Variants in FSTL5 observed in about 807,000 individuals in gnomAD.
The protein encoded by FSTL5 is follistatin like 5.
In FSTL5, 62 loss-of-function variants were observed where a neutral mutation model predicts 89.1. That is an observed-to-expected ratio of 0.70 (90% confidence interval 0.57 to 0.86). FSTL5 has a LOEUF of 0.86. Ranked by LOEUF, FSTL5 falls within the 40% of genes least tolerant of loss-of-function variation. The pLI is 0.00. For missense variants in FSTL5, 1,057 were observed against 1,001.6 expected, an observed-to-expected ratio of 1.06 and a Z score of -0.75; for synonymous variants, 383 against 346.2, an observed-to-expected ratio of 1.11 and a Z score of -1.18.
chr4:162,141,922 T>C (rs1232263550), intron 1 of FSTL5, among the ~76,000 whole-genome samples: 1 of 128,928 alleles, frequency 7.8e-6, no homozygotes, highest in Non-Finnish European at 1.7e-5. Flanking sequence ...GAAAAAAGTG[T>C]ACACAGGTAG....
chr4:161,699,657 T>C (rs772621887), intron 6 of FSTL5, among the ~76,000 whole-genome samples: 23 of 152,246 alleles, frequency 1.5e-4, no homozygotes, highest in Non-Finnish European at 2.9e-4. Context: ...CATTTTCTAA[T>C]TGGGCATAAA....
At chr4:162,045,455 T>C (rs1426440741) in intron 2 of FSTL5, among the ~76,000 whole-genome samples, 1 of 152,150 alleles carries the variant, frequency 6.6e-6, no homozygotes, top group Non-Finnish European at 1.5e-5. Flanking sequence ...AATTTCATGC[T>C]TCTATCAAAA....
chr4:161,942,301 GA>G (rs35588754), intron 3 of FSTL5, among the ~76,000 whole-genome samples: 87,999 of 149,382 alleles, frequency 0.59, 26,078 homozygotes, highest in Non-Finnish European at 0.61. Flanking sequence ...TCAGAGAATA[GA>G]AAAAAAAAAT....
At chr4:161,447,433 C>T (rs1404294206) in intron 15 of FSTL5, among the ~76,000 whole-genome samples, 1 of 152,026 alleles carries the variant, frequency 6.6e-6, no homozygotes, top group Non-Finnish European at 1.5e-5. Flanking sequence ...AGGTGCAGGT[C>T]TATTTTGTTC....
chr4:161,927,251 T>C (rs1203352194), intron 3 of FSTL5, among the ~76,000 whole-genome samples: 3 of 151,718 alleles, frequency 2.0e-5, no homozygotes, highest in African/African-American at 2.4e-5. Context: ...CTAAATCATC[T>C]GCAAGACTTA....
chr4:161,463,718 T>G (rs551165170), intron 13 of FSTL5, among the ~76,000 whole-genome samples: 3 of 152,334 alleles, frequency 2.0e-5, no homozygotes, highest in Admixed American at 2.0e-4. Context: ...AATTTTGTTT[T>G]TGCCACAGAC....
At chr4:161,503,386 T>C (rs931165864) in intron 11 of FSTL5, among the ~76,000 whole-genome samples, 12 of 152,014 alleles carry the variant, frequency 7.9e-5, no homozygotes, top group African/African-American at 2.9e-4. Flanking sequence ...TAATTTTCTA[T>C]GATATAAAAT....
intron 6 of FSTL5, among the ~76,000 whole-genome samples, chr4:161,685,246 A>G (rs150001296): frequency 1.3e-5 from 2 of 152,202 alleles, no homozygotes; most frequent in East Asian, 3.9e-4. Context: ...TTTTTGGTCC[A>G]TATGAATTTT....
chr4:161,847,681 C>T (rs939162972), intron 4 of FSTL5, among the ~76,000 whole-genome samples: 13 of 152,088 alleles, frequency 8.5e-5, no homozygotes, highest in Admixed American at 5.2e-4. Context: ...CTTCAGCATT[C>T]GTAATTATAA....
intron 6 of FSTL5, among the ~76,000 whole-genome samples, chr4:161,738,641 T>C (rs1221675156): frequency 1.3e-5 from 2 of 152,064 alleles, no homozygotes; most frequent in African/African-American, 4.8e-5. Context: ...TAAATAAAGA[T>C]AAAAAGGAGA....
chr4:161,504,977 T>C (rs1277124989), intron 11 of FSTL5, among the ~76,000 whole-genome samples: 1 of 152,062 alleles, frequency 6.6e-6, no homozygotes, highest in Non-Finnish European at 1.5e-5. Flanking sequence ...TAATTGTCAT[T>C]AGTTTTGCAT....
chr4:161,409,163 G>T (rs77657182), intron 15 of FSTL5, among the ~76,000 whole-genome samples: 14,059 of 152,170 alleles, frequency 0.092, 919 homozygotes, highest in Non-Finnish European at 0.14. Context: ...CAGCTAGAGA[G>T]AAAGGCTAGG....
chr4:161,619,560 T>C (rs28771083), intron 7 of FSTL5, among the ~76,000 whole-genome samples: 3,407 of 152,262 alleles, frequency 0.022, 122 homozygotes, highest in African/African-American at 0.076. Flanking sequence ...CAAAAGAAGA[T>C]ATTTATGCAG....
chr4:161,819,911 TGC>T (rs1422075053), intron 4 of FSTL5, among the ~76,000 whole-genome samples: 2 of 152,094 alleles, frequency 1.3e-5, no homozygotes, highest in Admixed American at 1.3e-4. Context: ...TTTTGGGTTT[TGC>T]CACAACATAA....
At chr4:161,793,358 G>A (rs1004395831) in intron 4 of FSTL5, among the ~76,000 whole-genome samples, 11 of 152,206 alleles carry the variant, frequency 7.2e-5, no homozygotes, top group African/African-American at 2.2e-4. Flanking sequence ...TCCAGCTGGC[G>A]AAGTAACACT....
intron 15 of FSTL5, among the ~76,000 whole-genome samples, chr4:161,426,009 A>T (rs904118374): frequency 6.6e-6 from 1 of 152,066 alleles, no homozygotes; most frequent in Non-Finnish European, 1.5e-5. Context: ...AAAGGTTTTA[A>T]ACTTTAAAAA....
intron 6 of FSTL5, among the ~76,000 whole-genome samples, chr4:161,689,266 T>G (rs1737844610): frequency 6.6e-6 from 1 of 152,164 alleles, no homozygotes; most frequent in African/African-American, 2.4e-5. Context: ...AAGCATTTTT[T>G]TCTTTATAAG....
At chr4:161,491,908 G>A (rs1729891133) in intron 12 of FSTL5, among the ~76,000 whole-genome samples, 1 of 151,604 alleles carries the variant, frequency 6.6e-6, no homozygotes, top group Admixed American at 6.6e-5. Flanking sequence ...AAACACCTTG[G>A]TAGAGTTTTC....
chr4:161,977,710 C>A (rs1378853122), intron 3 of FSTL5, among the ~76,000 whole-genome samples: 1 of 146,958 alleles, frequency 6.8e-6, no homozygotes, highest in Non-Finnish European at 1.5e-5. Flanking sequence ...TTTGTTTTAT[C>A]AAGTTATTTT....
Sources: allele counts gnomAD v4.1 joint callset (sites outside exome capture counted in the v4.1 genomes callset), GRCh38; gene constraint gnomAD v4.1.1; transcripts MANE v1.5; gene names NCBI Gene and HGNC (gene_info 2026-07-23, HGNC 2026-07-21).